The following PIWIL3 variants were observed in gnomAD, a reference collection of about 807,000 sequenced individuals.
PIWIL3 encodes piwi-like protein 3.
PIWIL3 carries 101 observed loss-of-function variants against 109.7 expected under a neutral mutation model. The observed-to-expected ratio is 0.92, with a 90% CI of 0.78 to 1.09. The LOEUF is 1.09. Among genes scored for constraint, PIWIL3 ranks in the 50% least tolerant of loss-of-function variants. The pLI is 0.00. For missense variants in PIWIL3, 1,031 were observed against 1,072.6 expected, an observed-to-expected ratio of 0.96 and a Z score of 0.54; for synonymous variants, 373 against 376.4, an observed-to-expected ratio of 0.99 and a Z score of 0.10.
intron 18 of PIWIL3, among the ~76,000 whole-genome samples, chr22:24,723,684 TC>T (rs1036714226): frequency 1.6e-4 from 25 of 152,282 alleles, no homozygotes; most frequent in African/African-American, 5.5e-4. Flanking sequence ...ATGGATTTCT[TC>T]TTTTTTTGAG....
intron 3 of PIWIL3, among the ~76,000 whole-genome samples, chr22:24,758,361 C>T (rs1925216907): frequency 6.6e-6 from 1 of 152,158 alleles, no homozygotes; most frequent in South Asian, 2.1e-4. Flanking sequence ...CGCTATGCTG[C>T]CCCCTAGTGG....
chr22:24,734,820 C>CTTT (rs34841642), intron 13 of PIWIL3, among the ~76,000 whole-genome samples: 5 of 135,052 alleles, frequency 3.7e-5, no homozygotes, highest in African/African-American at 8.2e-5. Flanking sequence ...CAGAACATAA[C>CTTT]TTTTTTTTTT....
At position 24,774,630 on chromosome 22, in the gene PIWIL3, A is replaced by C. The variant is rs933202738; in HGVS notation, c.-331T>G. 2.6e-5 allele frequency: 4 copies of C among 151,622 alleles called. No individual in the cohort carries two copies. Among genetic ancestry groups the C allele is most frequent in the Non-Finnish European group, 5.9e-5 (4 of 68,020 alleles). 9.4% of individuals were successfully genotyped at this position (151,622 alleles called of 1,614,324 possible). On this transcript the variant is annotated 5_prime_UTR_variant, in exon 1 of 21. Transcript: ENST00000616349. ...AGACCATCCTGGCTAACACAGTGAA[A>C]CCCTATCTCTACTAAAAATACAAAA... is the stretch of plus-strand genomic sequence containing the variant.
At chr22:24,746,659 A>C (rs1924391785) in intron 12 of PIWIL3, among the ~76,000 whole-genome samples, 3 of 151,644 alleles carry the variant, frequency 2.0e-5, no homozygotes, top group Non-Finnish European at 4.4e-5. Context: ...TAGAACTGAT[A>C]AATTTAATAA....
intron 14 of PIWIL3, among the ~76,000 whole-genome samples, chr22:24,729,005 A>G (rs1228167061): frequency 6.6e-6 from 1 of 152,222 alleles, no homozygotes; most frequent in African/African-American, 2.4e-5. Flanking sequence ...AGCAAGGCCT[A>G]ACGCAGAAAT....
intron 8 of PIWIL3, 62 bp from the exon 9 acceptor site, chr22:24,751,560 G>A: frequency 1.9e-6 from 3 of 1,563,744 alleles, no homozygotes; most frequent in Non-Finnish European, 2.6e-6. Flanking sequence ...CATCCACACA[G>A]AAAATAGACA....
intron 13 of PIWIL3, among the ~76,000 whole-genome samples, chr22:24,734,846 AAC>A (rs927308967): frequency 6.6e-6 from 1 of 151,076 alleles, no homozygotes; most frequent in African/African-American, 2.4e-5. Flanking sequence ...TAGAAAAAAA[AAC>A]CAAAAAAAAC....
In PIWIL3 at chr22:24,757,097, A is replaced by G. The variant is rs60012442; in HGVS notation, c.356-392T>C. Among the ~76,000 whole-genome samples, 6 of 148,756 alleles carry G rather than the reference A, an allele frequency of 4.0e-5. No homozygotes were observed. The South Asian group carries it at 1.1e-3, about 26-fold the overall frequency. On this transcript the variant is annotated intron_variant, in intron 4 of 20. Coordinates refer to ENST00000616349, the MANE Select transcript of PIWIL3 (RefSeq NM_001255975.1). ...TCCGTCTCAAAAAAAAAAAAAAAAA[A>G]AAAAAGAAAAGAAAAGAAAAGCCAA...
chr22:24,767,026 G>T (rs978673662), intron 1 of PIWIL3, among the ~76,000 whole-genome samples: 1 of 151,962 alleles, frequency 6.6e-6, no homozygotes, highest in Non-Finnish European at 1.5e-5. Flanking sequence ...CCTGGTGCTT[G>T]GGAGGTTGAG....
chr22:24,744,537 C>T (rs575033571), intron 12 of PIWIL3, among the ~76,000 whole-genome samples: 143 of 152,212 alleles, frequency 9.4e-4, no homozygotes, highest in African/African-American at 3.4e-3. Flanking sequence ...CATGCCACTG[C>T]ACTCCAGCCT....
At chr22:24,738,358 C>T (rs1362452529) in intron 12 of PIWIL3, among the ~76,000 whole-genome samples, 1 of 152,224 alleles carries the variant, frequency 6.6e-6, no homozygotes, top group African/African-American at 2.4e-5. Flanking sequence ...ATAAGTCTGG[C>T]TGCTTTACCA....
intron 14 of PIWIL3, among the ~76,000 whole-genome samples, chr22:24,730,191 C>A (rs1923257527): frequency 6.6e-6 from 1 of 151,568 alleles, no homozygotes; most frequent in Non-Finnish European, 1.5e-5. Flanking sequence ...ACGGTGAAAC[C>A]CCGTCTCTAC....
intron 4 of PIWIL3, 83 bp from the exon 5 acceptor site, chr22:24,756,788 C>G: frequency 1.6e-6 from 2 of 1,263,356 alleles, no homozygotes; most frequent in East Asian, 5.0e-5. Flanking sequence ...ATATTAAAAG[C>G]CAAAGTTAGG....
chr22:24,757,448 A>G (rs1925117257), intron 4 of PIWIL3, among the ~76,000 whole-genome samples: 2 of 152,160 alleles, frequency 1.3e-5, no homozygotes, highest in Admixed American at 1.3e-4. Context: ...CTCTACTTAC[A>G]GTGATGACAG....
intron 19 of PIWIL3, 129 bp downstream of exon 19, chr22:24,723,001 A>C: frequency 9.0e-7 from 1 of 1,106,340 alleles, no homozygotes; most frequent in African/African-American, 1.6e-5. Flanking sequence ...TAGTAAAAAA[A>C]ACAGACCAAA....
chr22:24,733,174 T>C (rs982711380), intron 14 of PIWIL3, among the ~76,000 whole-genome samples: 7 of 152,194 alleles, frequency 4.6e-5, no homozygotes, highest in African/African-American at 1.7e-4. Flanking sequence ...CTAGGCTTCA[T>C]GTAAAACACA....
At chr22:24,753,697 C>T (rs750374452) in intron 8 of PIWIL3, among the ~76,000 whole-genome samples, 3 of 152,164 alleles carry the variant, frequency 2.0e-5, no homozygotes, top group Admixed American at 6.5e-5. Flanking sequence ...TGGGTTATAA[C>T]TAAGCACTGA....
At chr22:24,754,317 A>C in intron 7 of PIWIL3, 100 bp from the exon 8 acceptor site, 2 of 875,716 alleles carry the variant, frequency 2.3e-6, no homozygotes, top group Non-Finnish European at 3.5e-6. Flanking sequence ...CTTAGGAGTC[A>C]GTTTTAAGTA....
At chr22:24,764,636 G>GTGTGTGTT (rs1925678676) in intron 1 of PIWIL3, among the ~76,000 whole-genome samples, 1 of 139,630 alleles carries the variant, frequency 7.2e-6, no homozygotes, top group Admixed American at 7.1e-5. Context: ...GTGTGTGTGT[G>GTGTGTGTT]TGTGTGTGTG....
Sources: gnomAD v4.1 joint callset for allele counts (sites outside exome capture counted in the v4.1 genomes callset) on GRCh38, gnomAD v4.1.1 for gene constraint, MANE v1.5 for transcripts, NCBI Gene and HGNC (gene_info 2026-07-23, HGNC 2026-07-21) for gene names.